The following GEMIN8 variants were observed in gnomAD, a reference collection of about 807,000 sequenced individuals.
The protein encoded by GEMIN8 is gem-associated protein 8.
For missense variants in GEMIN8, 185 were observed against 205.9 expected (o/e 0.90, Z 0.62); for synonymous variants, 80 against 78.5 (o/e 1.02, Z -0.10).
At chrX:14,016,905 A>G (rs1379340927) in intron 4 of GEMIN8, among the ~76,000 whole-genome samples, 1 of 99,010 alleles carries the variant, frequency 1.0e-5, no homozygotes, top group Non-Finnish European at 2.0e-5. Flanking sequence ...ACAGAATCTC[A>G]ATCAAGCACT....
the GEMIN8 span, among the ~76,000 whole-genome samples, chrX:13,998,916 T>C: frequency 8.9e-6 from 1 of 112,134 alleles, no homozygotes; most frequent in Non-Finnish European, 1.9e-5. Flanking sequence ...CCCTTCTGAC[T>C]TGTCATTCTG....
downstream of GEMIN8, among the ~76,000 whole-genome samples, chrX:14,003,688 C>T (rs1557726): frequency 0.28 from 31,566 of 111,157 alleles, 3,356 homozygotes; most frequent in Non-Finnish European, 0.31. Context: ...TTCAAAAGTA[C>T]AAAAATGCCT....
At chrX:14,015,790 A>C (rs1923860305) in intron 4 of GEMIN8, among the ~76,000 whole-genome samples, 1 of 112,313 alleles carries the variant, frequency 8.9e-6, no homozygotes, top group African/African-American at 3.2e-5. Flanking sequence ...AGTAGCTTCT[A>C]GTGGTTTTGA....
At chrX:13,997,099 G>A in the GEMIN8 span, among the ~76,000 whole-genome samples, 6 of 109,638 alleles carry the variant, frequency 5.5e-5, no homozygotes, top group East Asian at 8.6e-4. Context: ...GCGTCACCAC[G>A]CCCAGCTAAT....
rs1924245682 is a variant in GEMIN8 at position 14,020,550 on chromosome X, A to T, written c.16-16T>A. The T allele has an allele frequency of 9.5e-7, 1 of 1,053,391 alleles. No homozygotes were observed. The highest frequency in any genetic ancestry group is 1.8e-5 in the African/African-American group (1 of 54,066). The allele number at this position is 1,053,391 out of a possible 1,213,427, so 86.8% of individuals were successfully genotyped here. A position where few individuals can be genotyped will look rare whatever the true frequency, so the allele number is the denominator to read the frequency against. ...ATGTTGATGCCTACAAAATGAAAGG[A>T]GGTGGAGGGTGGACACCAAAGTGTT... On this transcript the variant is annotated splice_polypyrimidine_tract_variant and intron_variant, in intron 3 of 4. Transcript: ENST00000680255.
At chrX:14,002,635 C>T (rs1923015986), downstream of GEMIN8, among the ~76,000 whole-genome samples, 1 of 110,925 alleles carries the variant, frequency 9.0e-6, no homozygotes, top group Admixed American at 9.6e-5. Flanking sequence ...TCGGGAGTAG[C>T]TGGGATTACA....
Position 14,011,516 on chromosome X carries a change from C to CTTTTTTTTTTTTTTTTTTTT in GEMIN8, c.473-2367_473-2348dup, listed in dbSNP as rs575651297. Among the ~76,000 whole-genome samples, 4 of 60,401 alleles carry CTTTTTTTTTTTTTTTTTTTT rather than the reference C, an allele frequency of 6.6e-5. 1 individual carries two copies. The highest frequency in any genetic ancestry group is 2.8e-4 in the African/African-American group (4 of 14,413). The allele number at this position is 60,401 out of a possible 115,157, so 52.5% of individuals were successfully genotyped here. A position where few individuals can be genotyped will look rare whatever the true frequency, so the allele number is the denominator to read the frequency against. On this transcript the variant is annotated intron_variant, in intron 4 of 4. Transcript: ENST00000680255. ...TACCCATTACCAATCCTATGGCTCT[C>CTTTTTTTTTTTTTTTTTTTT]TTTTTTTTTTTTTTTTTTTTTTTTT...
At chrX:14,009,200 A>G in intron 4 of GEMIN8, 31 bp from the exon 5 acceptor site, 4 of 1,201,285 alleles carry the variant, frequency 3.3e-6, no homozygotes, top group South Asian at 1.8e-5. Flanking sequence ...GAACATGAAC[A>G]TAAACACACG....
At chrX:14,020,781 T>C (rs750283001) in intron 3 of GEMIN8, among the ~76,000 whole-genome samples, 42 of 111,472 alleles carry the variant, frequency 3.8e-4, no homozygotes, top group Admixed American at 1.8e-3. Context: ...CAATTAAAGC[T>C]ATGGAGCATT....
At chrX:14,026,579 T>C (rs1188740666) in intron 1 of GEMIN8, among the ~76,000 whole-genome samples, 1 of 112,570 alleles carries the variant, frequency 8.9e-6, no homozygotes, top group African/African-American at 3.2e-5. Flanking sequence ...GATAAGAGCT[T>C]TGTAGTTTTC....
chrX:13,989,955 C>G, the GEMIN8 span, among the ~76,000 whole-genome samples: 1 of 112,381 alleles, frequency 8.9e-6, no homozygotes, highest in Admixed American at 9.4e-5. Context: ...CACTCATTTG[C>G]TCCAATGCAC....
At chrX:14,018,766 C>CTTTTTT in intron 4 of GEMIN8, among the ~76,000 whole-genome samples, 49 of 91,837 alleles carry the variant, frequency 5.3e-4, no homozygotes, top group Non-Finnish European at 7.2e-4. Context: ...CTTTTCTTTT[C>CTTTTTT]TTTTTTTTTT....
the GEMIN8 span, among the ~76,000 whole-genome samples, chrX:13,987,010 T>C: frequency 1.1e-4 from 12 of 112,535 alleles, no homozygotes; most frequent in Non-Finnish European, 2.2e-4. Flanking sequence ...CTTTATGTCT[T>C]ATGGACTTTT....
At chrX:14,021,218 G>C (rs1350608045) in intron 3 of GEMIN8, among the ~76,000 whole-genome samples, 3 of 92,967 alleles carry the variant, frequency 3.2e-5, no homozygotes, top group African/African-American at 1.2e-4. Flanking sequence ...ACACAGGAAG[G>C]GGAACATCAC....
the GEMIN8 span, among the ~76,000 whole-genome samples, chrX:13,998,939 G>C: frequency 6.3e-5 from 7 of 111,986 alleles, no homozygotes; most frequent in South Asian, 1.5e-3. Flanking sequence ...GTCACTGTCA[G>C]ATTCTATAGC....
rs1239477182 is a variant in GEMIN8, at chrX:14,006,906, C to T, written c.*2007G>A. Among the ~76,000 whole-genome samples, 2 of 111,398 alleles carry T rather than the reference C, an allele frequency of 1.8e-5. No homozygotes were observed. Among genetic ancestry groups the T allele is most frequent in the African/African-American group, 6.5e-5 (2 of 30,631 alleles). On this transcript the variant is annotated 3_prime_UTR_variant, in exon 5 of 5. Coordinates refer to ENST00000680255, the MANE Select transcript of GEMIN8 (RefSeq NM_001042479.2). ...GGTAACAAAGCCAGTAGGGGTGAGA[C>T]CGGCATGGTGATTTCTTTAGGGGAG...
chrX:14,016,124 A>C (rs2147126116), intron 4 of GEMIN8, among the ~76,000 whole-genome samples: 1 of 112,210 alleles, frequency 8.9e-6, no homozygotes, highest in East Asian at 2.8e-4. Context: ...CGAAGTCTTT[A>C]GATTCCAGTC....
chrX:13,984,594 C>A, the GEMIN8 span, among the ~76,000 whole-genome samples: 5 of 111,244 alleles, frequency 4.5e-5, no homozygotes, highest in East Asian at 1.1e-3. Context: ...ATCTGCTGAT[C>A]CCTGATCTAA....
At position 14,009,272 on chromosome X, in the gene GEMIN8, C is replaced by A. The variant is rs41311807; in HGVS notation, c.473-103G>T. 43 of 776,975 alleles carry A rather than the reference C, an allele frequency of 5.5e-5. No individual in the cohort carries two copies. The South Asian group carries it at 1.1e-3, about 19-fold the overall frequency. The allele number at this position is 776,975 out of a possible 1,213,427, so 64.0% of individuals were successfully genotyped here. ...GCTGCTGGCCATGCCATCTGCAGCC[C>A]CCTAAGGTCCCTCATCTTTCCCTTT... On this transcript the variant is annotated intron_variant, in intron 4 of 4. Coordinates refer to ENST00000680255, the MANE Select transcript of GEMIN8 (RefSeq NM_001042479.2).
Sources: gnomAD v4.1 joint callset for allele counts (sites outside exome capture counted in the v4.1 genomes callset) on GRCh38, gnomAD v4.1.1 for gene constraint, MANE v1.5 for transcripts, NCBI Gene and HGNC (gene_info 2026-07-23, HGNC 2026-07-21) for gene names.